The following CRYBG1 variants were observed in gnomAD, a reference collection of about 807,000 sequenced individuals.
CRYBG1 encodes the protein crystallin beta-gamma domain containing 1.
In CRYBG1, 139 loss-of-function variants were observed where a neutral mutation model predicts 189.2. The ratio of observed to expected loss-of-function variants is 0.73; its 90% CI spans 0.64 to 0.85. The LOEUF is 0.85. CRYBG1 is among the 40% of genes least tolerant of loss of function. CRYBG1 has a pLI of 0.00. For missense variants in CRYBG1, 2,611 were observed against 2,675.8 expected (o/e 0.98, Z 0.53); for synonymous variants, 1,023 against 1,017.1 (o/e 1.01, Z -0.11).
intron 15 of CRYBG1, 58 bp downstream of exon 15, chr6:106,552,274 G>A (rs1008579971): frequency 4.6e-5 from 57 of 1,231,794 alleles, no homozygotes; most frequent in Non-Finnish European, 5.5e-5. Flanking sequence ...TTGAAAAGCT[G>A]AACTTATGTT....
intron 2 of CRYBG1, among the ~76,000 whole-genome samples, chr6:106,466,719 G>C (rs1275852054): frequency 1.3e-5 from 2 of 152,180 alleles, no homozygotes; most frequent in African/African-American, 2.4e-5. Context: ...CAGAATCAAG[G>C]TATCAGTTGA....
At chr6:106,561,601 C>A (rs1774723407) in intron 20 of CRYBG1, 101 bp downstream of exon 20, 1 of 1,357,316 alleles carries the variant, frequency 7.4e-7, no homozygotes, top group Admixed American at 2.3e-5. Flanking sequence ...TGCAATTTCA[C>A]AATTCCTGGA....
intron 1 of CRYBG1, among the ~76,000 whole-genome samples, chr6:106,450,541 A>G (rs918270801): frequency 2.0e-5 from 3 of 152,234 alleles, no homozygotes; most frequent in African/African-American, 7.2e-5. Flanking sequence ...GCTCAACTGC[A>G]GACAGCAAGG....
chr6:106,434,029 C>T (rs1771403854), intron 1 of CRYBG1, among the ~76,000 whole-genome samples: 1 of 151,894 alleles, frequency 6.6e-6, no homozygotes, highest in Admixed American at 6.6e-5. Flanking sequence ...CTCTAGTCAT[C>T]TAAAGGTTTG....
At chr6:106,405,764 G>A (rs1350738584) in intron 1 of CRYBG1, among the ~76,000 whole-genome samples, 1 of 152,204 alleles carries the variant, frequency 6.6e-6, no homozygotes, top group Non-Finnish European at 1.5e-5. Context: ...TGGACCTCCA[G>A]CAAACGTGCA....
At chr6:106,369,911 A>C (rs1769983125) in intron 1 of CRYBG1, among the ~76,000 whole-genome samples, 1 of 152,222 alleles carries the variant, frequency 6.6e-6, no homozygotes, top group Non-Finnish European at 1.5e-5. Context: ...GCTCATTAAG[A>C]GTGAGGCTGG....
At chr6:106,423,235 G>T (rs1400061875) in intron 1 of CRYBG1, among the ~76,000 whole-genome samples, 2 of 142,624 alleles carry the variant, frequency 1.4e-5, no homozygotes. Flanking sequence ...ATCAAAGTAA[G>T]TGCTAGAGTT....
chr6:106,410,266 A>G (rs1770905783), intron 1 of CRYBG1, among the ~76,000 whole-genome samples: 1 of 152,166 alleles, frequency 6.6e-6, no homozygotes, highest in Admixed American at 6.6e-5. Flanking sequence ...AACATGTGAA[A>G]GAAAAAAAGC....
intron 1 of CRYBG1, among the ~76,000 whole-genome samples, chr6:106,449,968 T>C (rs144937245): frequency 4.9e-4 from 74 of 152,330 alleles, no homozygotes; most frequent in African/African-American, 1.7e-3. Flanking sequence ...CTCACGCCTG[T>C]AATCCCGGCA....
chr6:106,430,582 G>A (rs542894090), intron 1 of CRYBG1, among the ~76,000 whole-genome samples: 17 of 152,234 alleles, frequency 1.1e-4, no homozygotes. Context: ...GTGTAACATG[G>A]CTCCTACAGT....
At chr6:106,410,260 T>G (rs1770905615) in intron 1 of CRYBG1, among the ~76,000 whole-genome samples, 1 of 151,988 alleles carries the variant, frequency 6.6e-6, no homozygotes, top group South Asian at 2.1e-4. Context: ...CCAACAAACA[T>G]GTGAAAGAAA....
intron 13 of CRYBG1, among the ~76,000 whole-genome samples, chr6:106,549,653 T>TG (rs1279488456): frequency 6.9e-6 from 1 of 144,790 alleles, no homozygotes; most frequent in Non-Finnish European, 1.5e-5. Context: ...AATCGGGGGA[T>TG]GGGGGGTGGT....
rs772589592 is a variant in CRYBG1 at position 106,512,529 on chromosome 6, G to C, written c.1412G>C (p.Arg471Pro). Residue 471 changes from arginine to proline, a missense_variant, in exon 3 of 22, where the codon CGG becomes CCG. By Grantham distance (103) the Arg-to-Pro change is moderately radical (BLOSUM62 -2). Transcript: ENST00000633556. ...ASAEKKVKSP[R>P]AALDGGVASA... ...GCGGAAAAGAAAGTGAAATCTCCGC[G>C]GGCAGCCCTCGACGGGGGCGTTGCC... The C allele has an allele frequency of 1.9e-6, 3 of 1,609,426 alleles. No homozygotes were observed. The Admixed American group carries it at 5.0e-5, about 27-fold the overall frequency.
chr6:106,444,431 G>T (rs924985668), intron 1 of CRYBG1, among the ~76,000 whole-genome samples: 1 of 152,168 alleles, frequency 6.6e-6, no homozygotes, highest in African/African-American at 2.4e-5. Context: ...CACAGACCTC[G>T]GTTCCTCAGT....
chr6:106,455,833 T>G (rs1000310317), intron 2 of CRYBG1, among the ~76,000 whole-genome samples: 21 of 152,238 alleles, frequency 1.4e-4, no homozygotes, highest in African/African-American at 4.8e-4. Flanking sequence ...GTTTCCCATT[T>G]TCTACTAGTG....
chr6:106,392,571 G>C (rs1251993020), intron 1 of CRYBG1, among the ~76,000 whole-genome samples: 1 of 152,072 alleles, frequency 6.6e-6, no homozygotes, highest in African/African-American at 2.4e-5. Context: ...AGATCTGATA[G>C]GACTGATACC....
chr6:106,417,259 C>T (rs993799019), intron 1 of CRYBG1, among the ~76,000 whole-genome samples: 43 of 151,810 alleles, frequency 2.8e-4, no homozygotes, highest in Admixed American at 1.3e-3. Flanking sequence ...GATAAGCTAT[C>T]GAAGAGGGAG....
At chr6:106,467,742 T>G (rs978446758) in intron 2 of CRYBG1, among the ~76,000 whole-genome samples, 1 of 152,254 alleles carries the variant, frequency 6.6e-6, no homozygotes, top group Non-Finnish European at 1.5e-5. Context: ...ACATCAAAAT[T>G]TATTTGCCAG....
chr6:106,361,522 T>C (rs1445162281), intron 1 of CRYBG1, among the ~76,000 whole-genome samples: 1 of 152,192 alleles, frequency 6.6e-6, no homozygotes, highest in African/African-American at 2.4e-5. Context: ...CTTACAGATG[T>C]TATACCCCCA....
Sources: allele counts gnomAD v4.1 joint callset (sites outside exome capture counted in the v4.1 genomes callset), GRCh38; gene constraint gnomAD v4.1.1; transcripts MANE v1.5; gene names NCBI Gene and HGNC (gene_info 2026-07-23, HGNC 2026-07-21).